ZCCHC7: variants seen among roughly 807,000 people sequenced by gnomAD.
ZCCHC7 encodes zinc finger CCHC domain-containing protein 7.
In ZCCHC7, 35 loss-of-function variants were observed where a neutral mutation model predicts 52.0. The observed-to-expected ratio is 0.67, with a 90% CI of 0.51 to 0.89. The LOEUF is 0.89. Among genes scored for constraint, ZCCHC7 ranks in the 40% least tolerant of loss-of-function variants. ZCCHC7 has a pLI of 0.00. For synonymous variants in ZCCHC7, 217 were observed against 221.5 expected (o/e 0.98, Z 0.18); for missense variants, 574 against 649.1 (o/e 0.88, Z 1.26).
chr9:37,241,272 C>T (rs1825862722), intron 2 of ZCCHC7, among the ~76,000 whole-genome samples: 1 of 151,676 alleles, frequency 6.6e-6, no homozygotes, highest in South Asian at 2.1e-4. Flanking sequence ...GGGTAATGAG[C>T]GTATAACAAA....
intron 2 of ZCCHC7, among the ~76,000 whole-genome samples, chr9:37,282,872 C>CT (rs58619243): frequency 0.024 from 1,853 of 78,114 alleles, 33 homozygotes; most frequent in Admixed American, 0.047. Flanking sequence ...AGACCTGAAT[C>CT]TTTTTTTTTT....
intron 6 of ZCCHC7, among the ~76,000 whole-genome samples, chr9:37,336,271 A>C (rs1185414775): frequency 2.6e-5 from 4 of 152,162 alleles, no homozygotes; most frequent in Non-Finnish European, 1.5e-5. Context: ...AGGCAACTCA[A>C]ACTTAAGCAC....
intron 2 of ZCCHC7, among the ~76,000 whole-genome samples, chr9:37,258,561 A>C (rs1384423760): frequency 6.6e-6 from 1 of 151,954 alleles, no homozygotes; most frequent in East Asian, 1.9e-4. Flanking sequence ...GATCGAGAGC[A>C]ACCTGGGCAA....
intron 2 of ZCCHC7, among the ~76,000 whole-genome samples, chr9:37,192,309 C>T (rs1012189178): frequency 2.6e-5 from 4 of 152,162 alleles, no homozygotes; most frequent in African/African-American, 7.2e-5. Flanking sequence ...TCAGAGAATC[C>T]TGATCTGAAA....
At chr9:37,199,761 A>G (rs879481888) in intron 2 of ZCCHC7, among the ~76,000 whole-genome samples, 1 of 151,290 alleles carries the variant, frequency 6.6e-6, no homozygotes, top group South Asian at 2.1e-4. Flanking sequence ...GCTGGAGTGC[A>G]GTGGCGCGAT....
intron 2 of ZCCHC7, among the ~76,000 whole-genome samples, chr9:37,167,143 C>CT (rs1262659723): frequency 6.6e-6 from 1 of 151,760 alleles, no homozygotes; most frequent in Non-Finnish European, 1.5e-5. Flanking sequence ...TTATTTTTTA[C>CT]TTTTTTCTCT....
chr9:37,121,553 CTT>C (rs1217032646), intron 1 of ZCCHC7: 1 of 152,108 alleles, frequency 6.6e-6, no homozygotes, highest in Non-Finnish European at 1.5e-5. Flanking sequence ...CATACAAAGA[CTT>C]TTAAATGGAT....
rs1842537398 is a variant in ZCCHC7, at chr9:37,126,378, C to T, written c.46C>T (p.Leu16Phe). Residue 16 changes from leucine to phenylalanine, a missense_variant, in exon 2 of 9, where the codon CTT becomes TTT. By Grantham distance (22) the Leu-to-Phe change is conservative. This residue lies in a region of ZCCHC7 where 403 missense variants were observed against 461.2 expected (regional missense o/e 0.87). Transcript: ENST00000336755. ...GACTATAGAAGCATACGAAGATGAT[C>T]TTTATCGAGATGAGTCATCTAGTGA... ...YETIEAYEDD[L>F]YRDESSSELS... The T allele has an allele frequency of 6.2e-7, 1 of 1,613,936 alleles. No homozygotes were observed. The highest frequency in any genetic ancestry group is 1.3e-5 in the African/African-American group (1 of 75,006).
intron 2 of ZCCHC7, among the ~76,000 whole-genome samples, chr9:37,265,793 G>A (rs1415085090): frequency 1.3e-5 from 2 of 152,048 alleles, no homozygotes; most frequent in Non-Finnish European, 2.9e-5. Flanking sequence ...TGAGGATAGT[G>A]TGTTTAGCCT....
In ZCCHC7 at chr9:37,320,987, CTTTTTTTT is replaced by C. The variant is rs11303114; in HGVS notation, c.952-6800_952-6793del. Among the ~76,000 whole-genome samples, 76 of 116,202 alleles carry C rather than the reference CTTTTTTTT, an allele frequency of 6.5e-4. 1 individual carries two copies. The highest frequency in any genetic ancestry group is 2.0e-3 in the Admixed American group (21 of 10,654). The allele number at this position is 116,202 out of a possible 152,430, so 76.2% of individuals were successfully genotyped here. ...TATATAATTGGGTTTTTTCTTTTTT[CTTTTTTTT>C]TTTTTTTTTTTGAGATGGAATCTCA... On this transcript the variant is annotated intron_variant, in intron 5 of 8. Transcript: ENST00000336755.
intron 2 of ZCCHC7, among the ~76,000 whole-genome samples, chr9:37,250,975 A>C (rs1348179235): frequency 6.6e-6 from 1 of 152,200 alleles, no homozygotes; most frequent in Non-Finnish European, 1.5e-5. Context: ...TGGAAGTTTT[A>C]AAATGTGTTC....
At chr9:37,185,421 G>A (rs1377605616) in intron 2 of ZCCHC7, among the ~76,000 whole-genome samples, 3 of 152,168 alleles carry the variant, frequency 2.0e-5, no homozygotes, top group Non-Finnish European at 4.4e-5. Context: ...GCATATAAAT[G>A]TACACTGTTC....
chr9:37,197,371 ACTT>A (rs1442974419), intron 2 of ZCCHC7, among the ~76,000 whole-genome samples: 1 of 152,232 alleles, frequency 6.6e-6, no homozygotes, highest in East Asian at 1.9e-4. Context: ...CATGAGTTTC[ACTT>A]CTTGAATATG....
chr9:37,274,231 C>G (rs1189532875), intron 2 of ZCCHC7, among the ~76,000 whole-genome samples: 1 of 145,748 alleles, frequency 6.9e-6, no homozygotes, highest in Non-Finnish European at 1.5e-5. Context: ...TATGCATATA[C>G]ACACAATTCT....
intron 7 of ZCCHC7, among the ~76,000 whole-genome samples, chr9:37,352,879 C>G (rs192808828): frequency 6.6e-6 from 1 of 151,818 alleles, no homozygotes; most frequent in African/African-American, 2.4e-5. Flanking sequence ...CTAGGACCCT[C>G]CCCCCGACAA....
In ZCCHC7 at chr9:37,209,374, T is replaced by A. The variant is rs988452788; in HGVS notation, c.610+82432T>A. 9.2e-5 allele frequency among the ~76,000 whole-genome samples: 14 copies of A among 152,126 alleles called. No homozygotes were observed. In the East Asian group the frequency reaches 2.7e-3, roughly 29 times the overall value. The stretch of plus-strand genomic sequence containing the variant: ...TTAAAGTTCCAAGTATATTCCTGTC[T>A]TAGAGCTTTTGCAGGTATCGTGCCC... On this transcript the variant is annotated intron_variant, in intron 2 of 8. Transcript: ENST00000336755.
intron 2 of ZCCHC7, among the ~76,000 whole-genome samples, chr9:37,228,132 CA>C (rs1450910742): frequency 4.6e-5 from 7 of 152,138 alleles, no homozygotes; most frequent in African/African-American, 1.7e-4. Context: ...AAGTCAGATA[CA>C]GTGGACTATG....
intron 2 of ZCCHC7, among the ~76,000 whole-genome samples, chr9:37,266,589 A>AC (rs1467697580): frequency 6.6e-6 from 1 of 152,154 alleles, no homozygotes; most frequent in Non-Finnish European, 1.5e-5. Context: ...AAAAATGTCT[A>AC]CCAGCTTGGC....
At chr9:37,164,450 T>C (rs1385647182) in intron 2 of ZCCHC7, among the ~76,000 whole-genome samples, 27 of 44,100 alleles carry the variant, frequency 6.1e-4, no homozygotes, top group African/African-American at 2.5e-3. Flanking sequence ...CTTAGATAGA[T>C]AGATAGATAG....
Sources: allele counts gnomAD v4.1 joint callset (sites outside exome capture counted in the v4.1 genomes callset), GRCh38; gene constraint gnomAD v4.1.1; regional missense constraint gnomAD v4.1.1; transcripts MANE v1.5; gene names NCBI Gene and HGNC (gene_info 2026-07-23, HGNC 2026-07-21).